CLDN16: variants seen among roughly 807,000 people sequenced by gnomAD.
CLDN16 encodes claudin-16.
Under a neutral mutation model 24.6 loss-of-function variants are expected in CLDN16, and 13 were observed. The ratio of observed to expected loss-of-function variants is 0.53; its 90% CI spans 0.34 to 0.84. CLDN16 has a LOEUF of 0.84. Among genes scored for constraint, CLDN16 ranks in the 40% least tolerant of loss-of-function variants. CLDN16 has a pLI of 0.01. For missense variants in CLDN16, 298 were observed against 292.7 expected (o/e 1.02, Z -0.13); for synonymous variants, 116 against 106.7 (o/e 1.09, Z -0.54).
chr3:190,402,363 G>T lies in CLDN16; in HGVS notation c.141G>T (p.Trp47Cys). The T allele has an allele frequency of 1.2e-6, 2 of 1,614,026 alleles. No homozygotes were observed. The highest frequency in any genetic ancestry group is 1.1e-5 in the South Asian group (1 of 91,074). The change falls in exon 2 of 5, where the codon TGG becomes TGT. Residue 47 changes from tryptophan to cysteine, a missense_variant. By Grantham distance (215) the Trp-to-Cys change is radical. Transcript: ENST00000264734. ...TGAGCACAAAATGCCGAGGCCTCTG[G>T]TGGGAATGCGTCACAAATGCTTTTG... ...LEVSTKCRGL[W>C]WECVTNAFDG...
chr3:190,325,150 T>C (rs951693377), intron 1 of CLDN16, among the ~76,000 whole-genome samples: 6 of 152,200 alleles, frequency 3.9e-5, no homozygotes, highest in South Asian at 4.1e-4. Context: ...GGTCAGAGTT[T>C]TATATGCTAT....
intron 3 of CLDN16, among the ~76,000 whole-genome samples, chr3:190,377,061 G>T (rs1171032009): frequency 1.3e-5 from 2 of 151,818 alleles, no homozygotes; most frequent in Non-Finnish European, 2.9e-5. Flanking sequence ...TCCAGGCAAC[G>T]GGAAGAGCCT....
chr3:190,326,031 T>C (rs757938521), intron 1 of CLDN16, among the ~76,000 whole-genome samples: 5 of 152,172 alleles, frequency 3.3e-5, no homozygotes, highest in African/African-American at 4.8e-5. Context: ...TGAGGGGTAG[T>C]GGTTAAAAGC....
intron 2 of CLDN16, among the ~76,000 whole-genome samples, chr3:190,402,856 A>T (rs933228453): frequency 6.6e-6 from 1 of 152,150 alleles, no homozygotes; most frequent in Non-Finnish European, 1.5e-5. Context: ...GAAAGTTTAC[A>T]GTTATTTCAG....
At position 190,408,369 on chromosome 3, in the gene CLDN16, T is replaced by C. The variant is rs1336299188; in HGVS notation, c.438T>C (p.Arg146=). The change falls in exon 4 of 5, where the codon CGT becomes CGC. Residue 146 remains arginine, a synonymous_variant. Coordinates refer to ENST00000264734, the MANE Select transcript of CLDN16 (RefSeq NM_006580.4). Reference sequence around the variant, plus strand: ...ATGCTGTTGATGTGTATGTGGAACGTTCTACTTTGGTTTTGCACAATATAT... The same window carrying C: ...ATGCTGTTGATGTGTATGTGGAACGCTCTACTTTGGTTTTGCACAATATAT... ...VWYAVDVYVE[R]STLVLHNIFL... The C allele has an allele frequency of 6.2e-7, 1 of 1,614,062 alleles. No homozygotes were observed. The highest frequency in any genetic ancestry group is 8.5e-7 in the Non-Finnish European group (1 of 1,180,036).
chr3:190,370,551 A>C (rs1718116779), intron 1 of CLDN16, among the ~76,000 whole-genome samples: 1 of 151,950 alleles, frequency 6.6e-6, no homozygotes, highest in Admixed American at 6.6e-5. Flanking sequence ...GGTGTAATTC[A>C]CATGGCTATG....
chr3:190,332,048 G>T (rs1009589844), intron 1 of CLDN16, among the ~76,000 whole-genome samples: 4 of 152,032 alleles, frequency 2.6e-5, no homozygotes, highest in African/African-American at 9.7e-5. Context: ...GATAACATTG[G>T]GCTCATTCAG....
chr3:190,295,360 T>C, the CLDN16 span, among the ~76,000 whole-genome samples: 1 of 152,192 alleles, frequency 6.6e-6, no homozygotes, highest in Non-Finnish European at 1.5e-5. Flanking sequence ...AAGCAAATTT[T>C]CTTTCCTTAA....
chr3:190,315,445 G>T, the CLDN16 span, among the ~76,000 whole-genome samples: 2 of 152,084 alleles, frequency 1.3e-5, no homozygotes, highest in African/African-American at 2.4e-5. Context: ...GCAGAACTTC[G>T]CAAATTAGGG....
intron 1 of CLDN16, among the ~76,000 whole-genome samples, chr3:190,362,378 C>A (rs928357270): frequency 2.0e-5 from 3 of 151,886 alleles, no homozygotes; most frequent in Admixed American, 6.6e-5. Context: ...GAACAGAAGA[C>A]AGCAAGAAAA....
chr3:190,329,871 T>TATCTAGGTGAGGAATGG (rs1251897978), intron 1 of CLDN16, among the ~76,000 whole-genome samples: 12 of 152,060 alleles, frequency 7.9e-5, no homozygotes, highest in African/African-American at 2.7e-4. Context: ...ATGTTAGTAT[T>TATCTAGGTGAGGAATGG]ATCTAGGTGA....
intron 2 of CLDN16, among the ~76,000 whole-genome samples, chr3:190,403,203 G>C (rs971635511): frequency 6.6e-6 from 1 of 151,926 alleles, no homozygotes; most frequent in Admixed American, 6.6e-5. Flanking sequence ...ATGGTGGTGG[G>C]AGCCTGTAGT....
chr3:190,311,925 A>C, the CLDN16 span, among the ~76,000 whole-genome samples: 1 of 150,574 alleles, frequency 6.6e-6, no homozygotes, highest in Non-Finnish European at 1.5e-5. Context: ...TCAACACTTG[A>C]ATTAAAAAAC....
At chr3:190,354,865 A>T (rs1717736911) in intron 1 of CLDN16, among the ~76,000 whole-genome samples, 2 of 151,930 alleles carry the variant, frequency 1.3e-5, no homozygotes, top group Non-Finnish European at 2.9e-5. Context: ...CCTTTCTGAA[A>T]CCTCTGCTTT....
At chr3:190,300,182 T>C in the CLDN16 span, among the ~76,000 whole-genome samples, 3 of 152,232 alleles carry the variant, frequency 2.0e-5, no homozygotes, top group African/African-American at 7.2e-5. Flanking sequence ...GGCAGTTTGC[T>C]GACAGCTTTT....
the CLDN16 span, among the ~76,000 whole-genome samples, chr3:190,304,839 G>A: frequency 6.6e-6 from 1 of 152,164 alleles, no homozygotes; most frequent in African/African-American, 2.4e-5. Flanking sequence ...GTTTTCTCTT[G>A]ATCTGGGCAA....
the CLDN16 span, among the ~76,000 whole-genome samples, chr3:190,300,595 G>A: frequency 6.6e-6 from 1 of 152,154 alleles, no homozygotes; most frequent in Admixed American, 6.5e-5. Flanking sequence ...CAATTTATGT[G>A]ACCCACAAAG....
chr3:190,370,564 C>A (rs1718117146), intron 1 of CLDN16, among the ~76,000 whole-genome samples: 1 of 151,866 alleles, frequency 6.6e-6, no homozygotes. Flanking sequence ...TGGCTATGAT[C>A]TGAATGATGA....
chr3:190,339,256 T>C (rs1395522199), intron 1 of CLDN16, among the ~76,000 whole-genome samples: 1 of 152,260 alleles, frequency 6.6e-6, no homozygotes, highest in Admixed American at 6.5e-5. Context: ...CTCTGTCTAA[T>C]ACTCTGCTTC....
Sources: allele counts gnomAD v4.1 joint callset (sites outside exome capture counted in the v4.1 genomes callset), GRCh38; gene constraint gnomAD v4.1.1; transcripts MANE v1.5; gene names NCBI Gene and HGNC (gene_info 2026-07-23, HGNC 2026-07-21).